NAV2: variants seen among roughly 807,000 people sequenced by gnomAD.
NAV2 encodes neuron navigator 2, also known as helicase, APC down-regulated 1.
A neutral mutation model predicts 223.2 loss-of-function variants in NAV2; 54 were observed. That is an observed-to-expected ratio of 0.24 (90% CI 0.19 to 0.30). The LOEUF is 0.30. Ranked by LOEUF, NAV2 falls within the 10% of genes least tolerant of loss-of-function variation. NAV2 has a pLI of 1.00. For missense variants in NAV2, 2,806 were observed against 3,147.5 expected, an observed-to-expected ratio of 0.89 and a Z score of 2.60; for synonymous variants, 1,279 against 1,239.3, an observed-to-expected ratio of 1.03 and a Z score of -0.67.
intron 1 of NAV2, among the ~76,000 whole-genome samples, chr11:19,816,904 T>A (rs893607188): frequency 1.3e-5 from 2 of 152,176 alleles, no homozygotes; most frequent in South Asian, 2.1e-4. Context: ...CACCACCTTT[T>A]TTTTTCCCCT....
chr11:19,591,297 T>C (rs1002730113), intron 1 of NAV2: 2 of 152,216 alleles, frequency 1.3e-5, no homozygotes, highest in African/African-American at 4.8e-5. Flanking sequence ...GGGCATCACC[T>C]TCACAGTTCT....
At chr11:19,940,650 T>C (rs2046329646) in intron 8 of NAV2, among the ~76,000 whole-genome samples, 1 of 152,224 alleles carries the variant, frequency 6.6e-6, no homozygotes. Context: ...TGAATATCCC[T>C]GACTACAGCA....
intron 1 of NAV2, among the ~76,000 whole-genome samples, chr11:19,650,928 T>C (rs557410964): frequency 6.6e-6 from 1 of 152,356 alleles, no homozygotes; most frequent in South Asian, 2.1e-4. Flanking sequence ...TAGAAATGTA[T>C]ATATCTGAGT....
intron 1 of NAV2, among the ~76,000 whole-genome samples, chr11:19,480,991 T>C (rs900285983): frequency 6.6e-6 from 1 of 152,222 alleles, no homozygotes; most frequent in African/African-American, 2.4e-5. Flanking sequence ...GTTGTGGGGC[T>C]GAGCAGATGG....
chr11:19,647,970 C>T (rs749045110), intron 1 of NAV2, among the ~76,000 whole-genome samples: 9 of 152,146 alleles, frequency 5.9e-5, no homozygotes, highest in Non-Finnish European at 8.8e-5. Context: ...AACACTGAGG[C>T]TTAGACATTG....
chr11:19,893,696 CT>C (rs1349276638), intron 6 of NAV2, among the ~76,000 whole-genome samples: 2 of 152,310 alleles, frequency 1.3e-5, no homozygotes, highest in East Asian at 3.9e-4. Flanking sequence ...AGCCAAGGCA[CT>C]GGGAACTCTG....
intron 1 of NAV2, among the ~76,000 whole-genome samples, chr11:19,803,313 G>A (rs2058371727): frequency 6.6e-6 from 1 of 152,180 alleles, no homozygotes; most frequent in Admixed American, 6.5e-5. Context: ...AATGCAGGCA[G>A]GGAGATACTC....
intron 31 of NAV2, among the ~76,000 whole-genome samples, chr11:20,100,405 G>A (rs1025645382): frequency 1.3e-5 from 2 of 152,138 alleles, no homozygotes; most frequent in African/African-American, 4.8e-5. Context: ...AAGTGGTGTT[G>A]CCTTCATGGC....
intron 1 of NAV2, among the ~76,000 whole-genome samples, chr11:19,566,042 ATTTTATT>A (rs1269532453): frequency 2.4e-5 from 3 of 124,274 alleles, no homozygotes; most frequent in African/African-American, 1.3e-4. Flanking sequence ...ATTTTATTTT[ATTTTATT>A]TTATTTTATT....
intron 1 of NAV2, among the ~76,000 whole-genome samples, chr11:19,451,338 C>G (rs1851783786): frequency 6.6e-6 from 1 of 152,198 alleles, no homozygotes; most frequent in African/African-American, 2.4e-5. Flanking sequence ...CCAAGCAGCA[C>G]AGAGTTCGTC....
At chr11:19,849,889 G>A (rs1257710927) in intron 3 of NAV2, among the ~76,000 whole-genome samples, 1 of 152,088 alleles carries the variant, frequency 6.6e-6, no homozygotes, top group Non-Finnish European at 1.5e-5. Flanking sequence ...TTCAAAGGTG[G>A]CAACAACCTC....
At chr11:19,770,294 AC>A (rs1251516447) in intron 1 of NAV2, among the ~76,000 whole-genome samples, 1 of 151,888 alleles carries the variant, frequency 6.6e-6, no homozygotes, top group Non-Finnish European at 1.5e-5. Context: ...CCCCTAGCCC[AC>A]CTGAGTAGAC....
chr11:20,011,267 T>C (rs2153510636), intron 11 of NAV2, among the ~76,000 whole-genome samples: 1 of 152,372 alleles, frequency 6.6e-6, no homozygotes, highest in South Asian at 2.1e-4. Flanking sequence ...TTGTTTTTTT[T>C]TAAGCCTATG....
In NAV2 at chr11:19,571,209, T is replaced by A. The variant is rs139311209; in HGVS notation, c.75+220182T>A. ...TAAGGTCATATATTATATGATTTCATTTCTATGAACTATCCAGAATAGGCA... is the reference window on the plus strand; with the variant it reads ...TAAGGTCATATATTATATGATTTCAATTCTATGAACTATCCAGAATAGGCA... On this transcript the variant is annotated intron_variant, in intron 1 of 37. Transcript: ENST00000360655. 1.6e-3 allele frequency among the ~76,000 whole-genome samples: 238 copies of A among 152,342 alleles called. 4 individuals carry two copies. In the East Asian group the frequency reaches 0.034, roughly 21 times the overall value.
At chr11:19,957,638 G>C (rs1373115731) in intron 10 of NAV2, among the ~76,000 whole-genome samples, 4 of 152,204 alleles carry the variant, frequency 2.6e-5, no homozygotes, top group Non-Finnish European at 4.4e-5. Flanking sequence ...CCTTATCGGC[G>C]TCTGGGTAGG....
chr11:19,604,257 A>C (rs1172748598), intron 1 of NAV2, among the ~76,000 whole-genome samples: 2 of 152,040 alleles, frequency 1.3e-5, no homozygotes, highest in Non-Finnish European at 2.9e-5. Context: ...GGGTAGGAGG[A>C]GGCTACTGCA....
At chr11:20,101,271 T>A (rs2061616597) in intron 32 of NAV2, 99 bp downstream of exon 32, 4 of 980,900 alleles carry the variant, frequency 4.1e-6, no homozygotes, top group Non-Finnish European at 6.1e-6. Flanking sequence ...CTATCAACAA[T>A]CCTTGGGTGG....
intron 1 of NAV2, among the ~76,000 whole-genome samples, chr11:19,478,426 C>T (rs181881977): frequency 6.6e-6 from 1 of 152,178 alleles, no homozygotes; most frequent in East Asian, 1.9e-4. Context: ...ATCAAAGCAA[C>T]GGACAGAGCA....
At chr11:19,639,310 C>T (rs148590473) in intron 1 of NAV2, among the ~76,000 whole-genome samples, 108 of 152,306 alleles carry the variant, frequency 7.1e-4, no homozygotes, top group African/African-American at 2.4e-3. Context: ...ACCAGGCATG[C>T]TTATGAAATG....
Sources: allele counts gnomAD v4.1 joint callset (sites outside exome capture counted in the v4.1 genomes callset), GRCh38; gene constraint gnomAD v4.1.1; transcripts MANE v1.5; gene names NCBI Gene and HGNC (gene_info 2026-07-23, HGNC 2026-07-21).